Variants in DLAT observed in about 807,000 individuals in gnomAD.
The protein encoded by DLAT is dihydrolipoyllysine-residue acetyltransferase component of pyruvate dehydrogenase complex, mitochondrial.
In DLAT, 43 loss-of-function variants were observed where a neutral mutation model predicts 68.0. The observed-to-expected ratio is 0.63, with a 90% confidence interval of 0.50 to 0.81. The LOEUF is 0.81. Among genes scored for constraint, DLAT ranks in the 40% least tolerant of loss-of-function variants. The pLI, the probability that DLAT is intolerant of heterozygous loss-of-function variation, is 0.00. For missense variants in DLAT, 745 were observed against 815.4 expected (o/e 0.91, Z 1.05); for synonymous variants, 265 against 288.6 (o/e 0.92, Z 0.83).
intron 7 of DLAT, among the ~76,000 whole-genome samples, chr11:112,040,404 TAGTAA>T (rs1230571673): frequency 6.6e-6 from 1 of 152,220 alleles, no homozygotes; most frequent in Non-Finnish European, 1.5e-5. Context: ...TCCTGTTAAA[TAGTAA>T]AGTTGCAGTG....
intron 12 of DLAT, among the ~76,000 whole-genome samples, chr11:112,060,755 T>C (rs1021318248): frequency 7.9e-5 from 12 of 152,328 alleles, no homozygotes; most frequent in African/African-American, 2.9e-4. Flanking sequence ...TGTGAGCCAC[T>C]GTGCCTGGCC....
chr11:112,029,872 T>G, intron 4 of DLAT: 1 of 628,992 alleles, frequency 1.6e-6, no homozygotes, highest in East Asian at 4.1e-5. Flanking sequence ...CACAGTAGTT[T>G]GGGCTTATTG....
chr11:112,049,348 C>A (rs2137811219), intron 10 of DLAT, among the ~76,000 whole-genome samples: 1 of 152,244 alleles, frequency 6.6e-6, no homozygotes, highest in Middle Eastern at 3.4e-3. Flanking sequence ...AGAATATAGT[C>A]TTTTCATCCA....
Position 112,026,193 on chromosome 11 carries a change from T to A in DLAT, c.280-5T>A, listed in dbSNP as rs369665012. On this transcript the variant is annotated splice_region_variant and splice_polypyrimidine_tract_variant and intron_variant, in intron 1 of 13. Transcript: ENST00000280346. ...ATTTTAATGTTTCTTCTTTTCCTTTTCCAGGTTCCATTGCCTTCTCTTTCC... is the reference window on the plus strand; with the variant it reads ...ATTTTAATGTTTCTTCTTTTCCTTTACCAGGTTCCATTGCCTTCTCTTTCC... 5 of 1,607,422 alleles carry A rather than the reference T, an allele frequency of 3.1e-6. No individual in the cohort carries two copies. The African/African-American group carries it at 6.7e-5, about 21-fold the overall frequency.
At chr11:112,062,318 A>T (rs1398579241) in intron 13 of DLAT, 88 bp from the exon 14 acceptor site, 2 of 1,410,412 alleles carry the variant, frequency 1.4e-6, no homozygotes, top group East Asian at 4.6e-5. Context: ...GGTTGGGATT[A>T]TAGGGTAGGA....
chr11:112,028,622 C>T lies in DLAT; in HGVS notation c.489C>T (p.Ile163=), dbSNP rs781840468. ...GGGATGTTCCCATCGGAGCGATCAT[C>T]TGTATCACAGTTGGCAAGTGAGTAG... ...GTRDVPIGAI[I]CITVGKPEDI... The change falls in exon 3 of 14, where the codon ATC becomes ATT. Residue 163 remains isoleucine (I), a synonymous_variant. Transcript: ENST00000280346. The T allele has an allele frequency of 3.7e-6, 6 of 1,614,108 alleles. No individual in the cohort carries two copies. The highest frequency in any genetic ancestry group is 5.1e-6 in the Non-Finnish European group (6 of 1,180,030).
intron 4 of DLAT, among the ~76,000 whole-genome samples, chr11:112,031,156 A>G (rs983105351): frequency 1.2e-4 from 19 of 152,034 alleles, no homozygotes; most frequent in Non-Finnish European, 2.6e-4. Context: ...AGCACTTACA[A>G]TTTTTTTTCT....
At position 112,043,459 on chromosome 11, in the gene DLAT, C is replaced by G. The variant is rs1056025452; in HGVS notation, c.1130-7C>G. 2 of 1,613,532 alleles carry G rather than the reference C, an allele frequency of 1.2e-6. No individual in the cohort carries two copies. The highest frequency in any genetic ancestry group is 8.5e-7 in the Non-Finnish European group (1 of 1,179,494). On this transcript the variant is annotated splice_polypyrimidine_tract_variant and splice_region_variant and intron_variant, in intron 7 of 13. Coordinates refer to ENST00000280346, the MANE Select transcript of DLAT (RefSeq NM_001931.5). ...CATCATGTATGTGATATTTATGTCT[C>G]TTACAGGGACAGGACCAGATGGTAG...
intron 6 of DLAT, among the ~76,000 whole-genome samples, chr11:112,038,712 G>A (rs1448650392): frequency 5.3e-5 from 8 of 151,600 alleles, no homozygotes; most frequent in African/African-American, 1.9e-4. Flanking sequence ...TGGGCGTGGT[G>A]GTGCGTGCCT....
chr11:112,037,198 C>A (rs1420901397), intron 5 of DLAT, 75 bp from the exon 6 acceptor site: 1 of 1,426,990 alleles, frequency 7.0e-7, no homozygotes, highest in African/African-American at 1.4e-5. Context: ...AATCACTTTA[C>A]TTAAAACTGT....
At chr11:112,029,060 TTG>T in intron 4 of DLAT, 115 bp downstream of exon 4, 1 of 1,194,360 alleles carries the variant, frequency 8.4e-7, no homozygotes. Context: ...GTCTTGTCAT[TTG>T]GGAGTATATA....
rs1248917578 is a variant in DLAT, at chr11:112,043,336, A to G, written c.1130-130A>G. 5 of 849,706 alleles carry G rather than the reference A, an allele frequency of 5.9e-6. No individual in the cohort carries two copies. The East Asian group carries it at 1.2e-4, about 21-fold the overall frequency. The allele number at this position is 849,706 out of a possible 1,614,324, so 52.6% of individuals were successfully genotyped here. A position where few individuals can be genotyped will look rare whatever the true frequency, so the allele number is the denominator to read the frequency against. On this transcript the variant is annotated intron_variant, in intron 7 of 13. Coordinates refer to ENST00000280346, the MANE Select transcript of DLAT (RefSeq NM_001931.5). ...AGGTAGCACCTTAAGGGGTAGGGTT[A>G]AGGCTGTGAACCTTTCAGAATGTTT...
At chr11:112,025,836 C>A in intron 1 of DLAT, 85 bp downstream of exon 1, 1 of 1,528,502 alleles carries the variant, frequency 6.5e-7, no homozygotes, top group Non-Finnish European at 8.9e-7. Context: ...AGAGGCCTCA[C>A]TGATCCTCCA....
intron 8 of DLAT, 22 bp downstream of exon 8, chr11:112,043,555 C>T: frequency 6.2e-7 from 1 of 1,607,910 alleles, no homozygotes; most frequent in Non-Finnish European, 8.5e-7. Flanking sequence ...GTAGCTCTTA[C>T]TTTTTTTGCA....
At chr11:112,036,191 GTGTGTGTGT>G (rs1566617700) in intron 5 of DLAT, among the ~76,000 whole-genome samples, 1 of 73,404 alleles carries the variant, frequency 1.4e-5, no homozygotes, top group African/African-American at 5.6e-5. Flanking sequence ...GTGTGTGTGT[GTGTGTGTGT>G]GTTTTTTTTT....
At chr11:112,052,894 G>A (rs1466503648) in intron 11 of DLAT, among the ~76,000 whole-genome samples, 1 of 152,002 alleles carries the variant, frequency 6.6e-6, no homozygotes, top group Non-Finnish European at 1.5e-5. Context: ...CCGTCATGGA[G>A]CTTATTATAT....
chr11:112,029,948 C>T (rs1555179834), intron 4 of DLAT: 2 of 906,240 alleles, frequency 2.2e-6, no homozygotes, highest in African/African-American at 1.7e-5. Flanking sequence ...TTTTTCCAAA[C>T]ATTACATGCT....
chr11:112,027,664 A>G (rs1229783517), intron 2 of DLAT, among the ~76,000 whole-genome samples: 5 of 150,908 alleles, frequency 3.3e-5, no homozygotes, highest in African/African-American at 7.3e-5. Flanking sequence ...TCGGGAGGCC[A>G]AGGCTGGCGG....
intron 7 of DLAT, among the ~76,000 whole-genome samples, chr11:112,042,178 T>C (rs587698364): frequency 1.2e-3 from 182 of 152,354 alleles, no homozygotes; most frequent in African/African-American, 4.1e-3. Flanking sequence ...TCCAGTGTTG[T>C]TCCCTTTATA....
Sources: gnomAD v4.1 joint callset for allele counts (sites outside exome capture counted in the v4.1 genomes callset) on GRCh38, gnomAD v4.1.1 for gene constraint, MANE v1.5 for transcripts, NCBI Gene and HGNC (gene_info 2026-07-23, HGNC 2026-07-21) for gene names.